The following MRAP2 variants were observed in gnomAD, a reference collection of about 807,000 sequenced individuals.
MRAP2 encodes the protein melanocortin 2 receptor accessory protein 2.
A neutral mutation model predicts 17.4 loss-of-function variants in MRAP2; 20 were observed. The ratio of observed to expected loss-of-function variants is 1.15; its 90% CI spans 0.81 to 1.67. The LOEUF (loss-of-function observed/expected upper bound fraction) is 1.67, where lower values mean the gene tolerates loss of function less well. Ranked by LOEUF, MRAP2 falls within the 40% of genes most tolerant of loss-of-function variation. The pLI, the probability that MRAP2 is intolerant of heterozygous loss-of-function variation, is 0.00. For missense variants in MRAP2, 238 were observed against 240.0 expected, an observed-to-expected ratio of 0.99 and a Z score of 0.05; for synonymous variants, 96 against 88.4, an observed-to-expected ratio of 1.09 and a Z score of -0.48.
At chr6:84,084,917 ATTTAT>A (rs1379091336) in intron 3 of MRAP2, among the ~76,000 whole-genome samples, 4 of 96,286 alleles carry the variant, frequency 4.2e-5, no homozygotes, top group Non-Finnish European at 7.9e-5. Flanking sequence ...TATTTTATTT[ATTTAT>A]TTTATTTTAC....
chr6:84,127,007 A>G, the MRAP2 span, among the ~76,000 whole-genome samples: 1 of 152,160 alleles, frequency 6.6e-6, no homozygotes, highest in Non-Finnish European at 1.5e-5. Context: ...TCATTCCACA[A>G]ATAAATGTAT....
downstream of MRAP2, among the ~76,000 whole-genome samples, chr6:84,094,907 A>G (rs1255711370): frequency 6.6e-6 from 1 of 152,132 alleles, no homozygotes; most frequent in East Asian, 1.9e-4. Context: ...GTCCTCACTT[A>G]GAGTTGTTCA....
At chr6:84,123,749 C>A in the MRAP2 span, among the ~76,000 whole-genome samples, 1 of 152,024 alleles carries the variant, frequency 6.6e-6, no homozygotes, top group Non-Finnish European at 1.5e-5. Flanking sequence ...AAATTAAAGG[C>A]TTCTGCACAG....
In MRAP2 at chr6:84,089,466, C is replaced by T. The variant is rs2875382; in HGVS notation, c.603C>T (p.His201=). Residue 201 remains histidine (H), a synonymous_variant, in exon 4 of 4, where the codon CAC becomes CAT. Transcript: ENST00000257776. ...CTAAGCCACTTTCCCAGACCTCACA[C>T]AAAGACCTGGATTGAGAAACATGCT... ...LETKPLSQTS[H]KDLD The T allele has an allele frequency of 0.23, 364,121 of 1,612,156 alleles. 49,436 individuals are homozygous for T. Among genetic ancestry groups the T allele is most frequent in the African/African-American group, 0.66 (49,397 of 74,856 alleles).
chr6:84,080,460 C>G (rs1344025138), intron 3 of MRAP2, among the ~76,000 whole-genome samples: 1 of 152,176 alleles, frequency 6.6e-6, no homozygotes, highest in Non-Finnish European at 1.5e-5. Context: ...TTTTGATTGT[C>G]CCTTGGTTCT....
chr6:84,045,760 AT>A (rs933285775), intron 1 of MRAP2, among the ~76,000 whole-genome samples: 26 of 149,562 alleles, frequency 1.7e-4, no homozygotes, highest in African/African-American at 6.3e-4. Context: ...AGACTGTCTC[AT>A]AAAAAAAAAA....
the MRAP2 span, among the ~76,000 whole-genome samples, chr6:84,116,958 C>G: frequency 3.3e-5 from 5 of 151,962 alleles, no homozygotes; most frequent in Admixed American, 3.3e-4. Flanking sequence ...CTTCCCTTCC[C>G]TTCCCTTCTT....
the MRAP2 span, chr6:84,124,919 T>C: frequency 1.5e-6 from 1 of 672,272 alleles, no homozygotes; most frequent in Non-Finnish European, 2.6e-6. Flanking sequence ...TTCTTATTGG[T>C]TAAAGGCAAT....
chr6:84,033,776 G>A lies in MRAP2; in HGVS notation c.-115G>A, dbSNP rs1035358245. On this transcript the variant is annotated 5_prime_UTR_variant, in exon 1 of 4. Transcript: ENST00000257776. ...CGCACCTCGGATCTAGGAGCTACTCGCCCGGCCCTGGGCGGTGGGAGGCGG... is the reference window on the plus strand; with the variant it reads ...CGCACCTCGGATCTAGGAGCTACTCACCCGGCCCTGGGCGGTGGGAGGCGG... The A allele has an allele frequency of 9.1e-6, 9 of 986,196 alleles. No individual in the cohort carries two copies. Among genetic ancestry groups the A allele is most frequent in the African/African-American group, 3.5e-5 (2 of 57,156 alleles). The allele number at this position is 986,196 out of a possible 1,614,324, so 61.1% of individuals were successfully genotyped here.
intron 1 of MRAP2, among the ~76,000 whole-genome samples, chr6:84,054,039 C>T (rs548914386): frequency 4.6e-5 from 7 of 152,040 alleles, no homozygotes; most frequent in Non-Finnish European, 7.4e-5. Context: ...GCAGTGGGGA[C>T]GGATGCGGGC....
At chr6:84,117,266 G>A in the MRAP2 span, among the ~76,000 whole-genome samples, 11 of 152,084 alleles carry the variant, frequency 7.2e-5, no homozygotes, top group South Asian at 8.3e-4. Context: ...CATGTGATCC[G>A]TCCACCTTGG....
the MRAP2 span, among the ~76,000 whole-genome samples, chr6:84,134,742 CT>C: frequency 6.6e-6 from 1 of 152,120 alleles, no homozygotes; most frequent in Admixed American, 6.6e-5. Context: ...AATCACTTTC[CT>C]TCTGTGTTGA....
intron 3 of MRAP2, among the ~76,000 whole-genome samples, chr6:84,080,832 G>A (rs1041014848): frequency 3.3e-5 from 5 of 152,180 alleles, no homozygotes; most frequent in African/African-American, 1.2e-4. Context: ...TGGGCTTAAA[G>A]GCAACCAATT....
the MRAP2 span, among the ~76,000 whole-genome samples, chr6:84,136,568 C>T: frequency 2.0e-5 from 3 of 152,156 alleles, no homozygotes; most frequent in Non-Finnish European, 2.9e-5. Context: ...TAGTGGGAGA[C>T]ATTATAGGCT....
At chr6:84,044,376 G>A (rs1475437444) in intron 1 of MRAP2, among the ~76,000 whole-genome samples, 5 of 152,150 alleles carry the variant, frequency 3.3e-5, no homozygotes, top group Non-Finnish European at 5.9e-5. Flanking sequence ...TAGTAGAGAC[G>A]AGGTTTCTCC....
the MRAP2 span, among the ~76,000 whole-genome samples, chr6:84,140,607 C>G: frequency 6.6e-6 from 1 of 152,082 alleles, no homozygotes; most frequent in Admixed American, 6.6e-5. Context: ...CTCACTGAAG[C>G]CTTGAACTCC....
At chr6:84,036,478 C>A (rs898649626) in intron 1 of MRAP2, among the ~76,000 whole-genome samples, 7 of 152,038 alleles carry the variant, frequency 4.6e-5, no homozygotes, top group African/African-American at 1.4e-4. Context: ...TTTGCTCCTT[C>A]TGATGTTCGG....
chr6:84,102,678 T>C, the MRAP2 span, among the ~76,000 whole-genome samples: 1 of 152,150 alleles, frequency 6.6e-6, no homozygotes, highest in East Asian at 1.9e-4. Context: ...ACAACAGCAA[T>C]AGAAAACTAA....
At chr6:84,094,971 T>G (rs1208547843), downstream of MRAP2, among the ~76,000 whole-genome samples, 2 of 152,222 alleles carry the variant, frequency 1.3e-5, no homozygotes, top group African/African-American at 2.4e-5. Flanking sequence ...GTTTATATCA[T>G]GTTCTTCAAT....
Sources: allele counts gnomAD v4.1 joint callset (sites outside exome capture counted in the v4.1 genomes callset), GRCh38; gene constraint gnomAD v4.1.1; transcripts MANE v1.5; gene names NCBI Gene and HGNC (gene_info 2026-07-23, HGNC 2026-07-21).